CADM1: variants seen among roughly 807,000 people sequenced by gnomAD.
CADM1 encodes the protein cell adhesion molecule 1, also known as TSLC-1.
In CADM1, 15 loss-of-function variants were observed where a neutral mutation model predicts 53.1. The observed-to-expected ratio is 0.28, with a 90% CI of 0.19 to 0.44. CADM1 has a LOEUF of 0.44. Among genes scored for constraint, CADM1 ranks in the 20% least tolerant of loss-of-function variants. The probability of loss-of-function intolerance (pLI) is 1.00; values close to 1 mark genes in which losing one functional copy is unlikely to be tolerated. For missense variants in CADM1, 434 were observed against 611.3 expected (o/e 0.71, Z 3.06); for synonymous variants, 281 against 243.0 (o/e 1.16, Z -1.45).
At chr11:115,307,981 T>C (rs1944421698) in intron 1 of CADM1, among the ~76,000 whole-genome samples, 1 of 151,538 alleles carries the variant, frequency 6.6e-6, no homozygotes, top group Admixed American at 6.6e-5. Flanking sequence ...AAATAAATTA[T>C]CCTAAAAAAT....
At chr11:115,380,187 T>C (rs1277739353) in intron 1 of CADM1, among the ~76,000 whole-genome samples, 1 of 149,454 alleles carries the variant, frequency 6.7e-6, no homozygotes, top group African/African-American at 2.5e-5. Context: ...GAATTTGGAA[T>C]ATAAGTCAAA....
At chr11:115,425,322 C>T (rs1047916993) in intron 1 of CADM1, among the ~76,000 whole-genome samples, 2 of 152,194 alleles carry the variant, frequency 1.3e-5, no homozygotes, top group African/African-American at 4.8e-5. Flanking sequence ...ACAGTAGCAG[C>T]ATTTAACAGT....
At position 115,411,663 on chromosome 11, in the gene CADM1, T is replaced by A. The variant is rs1049398236; in HGVS notation, c.124+92608A>T. Among the ~76,000 whole-genome samples the A allele has an allele frequency of 3.9e-5, 6 of 152,140 alleles. No homozygotes were observed. The East Asian group carries it at 1.2e-3, about 29-fold the overall frequency. ...AGAAAGTGGAAATTCTATTTTATTT[T>A]TTTTTATTATTTATTTTTTTGAGAT... On this transcript the variant is annotated intron_variant, in intron 1 of 11. Coordinates refer to ENST00000331581, the MANE Select transcript of CADM1 (RefSeq NM_001301043.2).
chr11:115,263,084 A>C (rs1211005472), intron 1 of CADM1, among the ~76,000 whole-genome samples: 1 of 152,248 alleles, frequency 6.6e-6, no homozygotes, highest in Non-Finnish European at 1.5e-5. Context: ...TTTGGGGAAG[A>C]ATGCCACGGA....
intron 9 of CADM1, among the ~76,000 whole-genome samples, chr11:115,197,584 CA>C (rs1940220085): frequency 6.6e-6 from 1 of 152,144 alleles, no homozygotes; most frequent in Admixed American, 6.5e-5. Flanking sequence ...TCCAGTAAGT[CA>C]TTGGTGAGAT....
At chr11:115,412,817 C>T (rs220843) in intron 1 of CADM1, among the ~76,000 whole-genome samples, 122,225 of 152,118 alleles carry the variant, frequency 0.8, 49,289 homozygotes, top group Admixed American at 0.84. Flanking sequence ...CCACTAAAGA[C>T]AGCTAATAAA....
chr11:115,387,659 T>G (rs1032900978), intron 1 of CADM1, among the ~76,000 whole-genome samples: 1 of 151,776 alleles, frequency 6.6e-6, no homozygotes, highest in African/African-American at 2.4e-5. Flanking sequence ...GGCAGCAGGG[T>G]TTTCACTGTG....
At chr11:115,288,272 G>A (rs1299905321) in intron 1 of CADM1, among the ~76,000 whole-genome samples, 2 of 152,102 alleles carry the variant, frequency 1.3e-5, no homozygotes, top group Non-Finnish European at 2.9e-5. Context: ...ATTCTAGCAG[G>A]ACCTCACACA....
chr11:115,292,909 G>A (rs1032515002), intron 1 of CADM1, among the ~76,000 whole-genome samples: 8 of 152,104 alleles, frequency 5.3e-5, no homozygotes, highest in African/African-American at 1.9e-4. Context: ...AGACAAGGAC[G>A]CCCCTTGCTA....
Position 115,260,226 on chromosome 11 carries a change from G to A in CADM1, c.125-19806C>T, listed in dbSNP as rs112231826. 5.7e-3 allele frequency among the ~76,000 whole-genome samples: 875 copies of A among 152,206 alleles called. 7 individuals carry two copies. The highest frequency in any genetic ancestry group is 0.018 in the African/African-American group (760 of 41,542). On this transcript the variant is annotated intron_variant, in intron 1 of 11. Coordinates refer to ENST00000331581, the MANE Select transcript of CADM1 (RefSeq NM_001301043.2). Reference sequence around the variant, plus strand: ...ATTACAGGCATGAGCCACCATGCCCGGCCACCCTTTTGTTTTAATGTGCTT... The same window carrying A: ...ATTACAGGCATGAGCCACCATGCCCAGCCACCCTTTTGTTTTAATGTGCTT...
At chr11:115,319,706 G>A (rs1353256588) in intron 1 of CADM1, among the ~76,000 whole-genome samples, 1 of 152,124 alleles carries the variant, frequency 6.6e-6, no homozygotes, top group African/African-American at 2.4e-5. Context: ...GGGAGCAATT[G>A]AGGCTATAGG....
In CADM1 at chr11:115,217,969, C is replaced by T. The variant is rs768777470; in HGVS notation, c.744G>A (p.Gln248=). 2.5e-6 allele frequency: 4 copies of T among 1,613,040 alleles called. No individual in the cohort carries two copies. The highest frequency in any genetic ancestry group is 2.2e-5 in the East Asian group (1 of 44,860). ...EVQYKPQVHI[Q]MTYPLQGLTR... is the part of the protein sequence containing the mutation. ...TTAAGCCTTGTAGAGGATAAGTCATCTGAATGTGCACTTGAGGCTTATCTG... is the reference window on the plus strand; with the variant it reads ...TTAAGCCTTGTAGAGGATAAGTCATTTGAATGTGCACTTGAGGCTTATCTG... Residue 248 remains glutamine, a synonymous_variant, in exon 6 of 12, where the codon CAG becomes CAA. Transcript: ENST00000331581.
intron 10 of CADM1, among the ~76,000 whole-genome samples, chr11:115,186,739 T>A (rs1298722029): frequency 6.6e-6 from 1 of 152,212 alleles, no homozygotes; most frequent in Non-Finnish European, 1.5e-5. Context: ...CCTGTCCCAA[T>A]GGCCTTCCCT....
At chr11:115,379,708 C>T (rs1163281446) in intron 1 of CADM1, among the ~76,000 whole-genome samples, 2 of 152,130 alleles carry the variant, frequency 1.3e-5, no homozygotes, top group African/African-American at 2.4e-5. Flanking sequence ...GGAGGAACTA[C>T]GTGGTCATGC....
At chr11:115,390,119 T>C (rs1373380065) in intron 1 of CADM1, among the ~76,000 whole-genome samples, 1 of 152,156 alleles carries the variant, frequency 6.6e-6, no homozygotes, top group African/African-American at 2.4e-5. Context: ...CTGTGTACCC[T>C]CCCATCCCAC....
At position 115,301,873 on chromosome 11, in the gene CADM1, T is replaced by A. The variant is rs111884933; in HGVS notation, c.125-61453A>T. Among the ~76,000 whole-genome samples, 1,218 of 152,150 alleles carry A rather than the reference T, an allele frequency of 8.0e-3. 19 individuals carry two copies. The highest frequency in any genetic ancestry group is 0.027 in the African/African-American group (1,116 of 41,532). ...ATGCTTATCACAGATCATGAGGAAG[T>A]TTTTTGTTGTGACAGAATTGTTCTG... On this transcript the variant is annotated intron_variant, in intron 1 of 11. Transcript: ENST00000331581.
chr11:115,282,057 T>C (rs1339332273), intron 1 of CADM1, among the ~76,000 whole-genome samples: 1 of 152,208 alleles, frequency 6.6e-6, no homozygotes, highest in Non-Finnish European at 1.5e-5. Context: ...TTTAATAAGA[T>C]CCTTCCAGTT....
intron 1 of CADM1, among the ~76,000 whole-genome samples, chr11:115,449,216 A>C (rs544526500): frequency 2.0e-5 from 3 of 152,336 alleles, no homozygotes; most frequent in Middle Eastern, 6.8e-3. Flanking sequence ...AGGGATGCTC[A>C]ACAATAGCGG....
At chr11:115,243,395 G>T (rs1942307669) in intron 1 of CADM1, among the ~76,000 whole-genome samples, 1 of 152,156 alleles carries the variant, frequency 6.6e-6, no homozygotes, top group Non-Finnish European at 1.5e-5. Context: ...ATATCAAAGG[G>T]CCTTGTCTGA....
Sources: allele counts gnomAD v4.1 joint callset (sites outside exome capture counted in the v4.1 genomes callset), GRCh38; gene constraint gnomAD v4.1.1; transcripts MANE v1.5; gene names NCBI Gene and HGNC (gene_info 2026-07-23, HGNC 2026-07-21).